The following SLC35D2 variants were observed in gnomAD, a reference collection of about 807,000 sequenced individuals.
SLC35D2 encodes the protein solute carrier family 35 member D2, also known as nucleotide sugar transporter SLC35D2.
SLC35D2 carries 43 observed loss-of-function variants against 41.8 expected under a neutral mutation model. The observed-to-expected ratio is 1.03, with a 90% CI of 0.81 to 1.33. The LOEUF (loss-of-function observed/expected upper bound fraction) is 1.33, where lower values mean the gene tolerates loss of function less well. Ranked by LOEUF, SLC35D2 falls within the 40% of genes most tolerant of loss-of-function variation. SLC35D2 has a pLI of 0.00. For missense variants in SLC35D2, 380 were observed against 408.4 expected (o/e 0.93, Z 0.60); for synonymous variants, 150 against 163.9 (o/e 0.92, Z 0.65).
In SLC35D2 at chr9:96,336,804, A is replaced by G; in HGVS notation, c.685-20T>C. On this transcript the variant is annotated intron_variant, in intron 8 of 11. Coordinates refer to ENST00000253270, the MANE Select transcript of SLC35D2 (RefSeq NM_007001.3). The stretch of plus-strand genomic sequence containing the variant: ...AGTAGCCTATTATTAAAAAGAAAAA[A>G]ACTAATGATTAGGTTAATAATACTG... 1 of 1,403,466 alleles carries G rather than the reference A, an allele frequency of 7.1e-7. No homozygotes were observed. The highest frequency in any genetic ancestry group is 9.9e-7 in the Non-Finnish European group (1 of 1,009,062). 86.9% of individuals were successfully genotyped at this position (1,403,466 alleles called of 1,614,324 possible).
chr9:96,348,323 A>C (rs886975203), intron 6 of SLC35D2, among the ~76,000 whole-genome samples: 17 of 152,052 alleles, frequency 1.1e-4, no homozygotes, highest in African/African-American at 4.1e-4. Flanking sequence ...ATAATTCCCC[A>C]CCTTCCCTTT....
chr9:96,353,753 C>A (rs1829908468), intron 4 of SLC35D2, among the ~76,000 whole-genome samples: 2 of 152,178 alleles, frequency 1.3e-5, no homozygotes, highest in South Asian at 2.1e-4. Flanking sequence ...AGTTAAGAAC[C>A]TTCTACCCAC....
At chr9:96,316,587 G>C (rs901802542), downstream of SLC35D2, among the ~76,000 whole-genome samples, 4 of 152,108 alleles carry the variant, frequency 2.6e-5, no homozygotes, top group East Asian at 7.7e-4. Flanking sequence ...CTGATTCAGT[G>C]AATGTTCCCT....
intron 11 of SLC35D2, among the ~76,000 whole-genome samples, chr9:96,315,685 G>A (rs111799723): frequency 1.3e-3 from 202 of 152,124 alleles, no homozygotes; most frequent in African/African-American, 4.7e-3. Flanking sequence ...CACCCGCCTC[G>A]GCCTCCCAAA....
chr9:96,368,215 TG>T, intron 2 of SLC35D2, 56 bp downstream of exon 2: 1 of 1,400,840 alleles, frequency 7.1e-7, no homozygotes, highest in Non-Finnish European at 9.9e-7. Flanking sequence ...GGACTTAAAA[TG>T]TCATTATGAA....
chr9:96,346,071 T>A (rs566876558), intron 6 of SLC35D2, among the ~76,000 whole-genome samples: 1 of 152,328 alleles, frequency 6.6e-6, no homozygotes, highest in South Asian at 2.1e-4. Flanking sequence ...ACTTGATCGT[T>A]GCAGACAGTG....
chr9:96,348,063 C>T (rs995323750), intron 6 of SLC35D2, among the ~76,000 whole-genome samples: 12 of 152,130 alleles, frequency 7.9e-5, no homozygotes, highest in Non-Finnish European at 1.6e-4. Flanking sequence ...TCTTTTATTC[C>T]TTTACTTTCT....
chr9:96,373,023 C>T (rs1830777742), intron 1 of SLC35D2, among the ~76,000 whole-genome samples: 1 of 151,562 alleles, frequency 6.6e-6, no homozygotes, highest in East Asian at 1.9e-4. Flanking sequence ...CCTCAGCCTT[C>T]CGAATGTCTG....
At position 96,366,771 on chromosome 9, in the gene SLC35D2, C is replaced by T. The variant is rs557485215; in HGVS notation, c.192+1501G>A. On this transcript the variant is annotated intron_variant, in intron 2 of 11. Coordinates refer to ENST00000253270, the MANE Select transcript of SLC35D2 (RefSeq NM_007001.3). ...GATTATAGGCATGAGCCACCGTGCTCGGCCTGATCTTTTTTTTTTTAACGT... is the reference window on the plus strand; with the variant it reads ...GATTATAGGCATGAGCCACCGTGCTTGGCCTGATCTTTTTTTTTTTAACGT... Among the ~76,000 whole-genome samples the T allele has an allele frequency of 1.9e-4, 29 of 150,360 alleles. 1 individual carries two copies. The South Asian group carries it at 4.9e-3, about 25-fold the overall frequency.
intron 4 of SLC35D2, among the ~76,000 whole-genome samples, chr9:96,354,629 G>T (rs549772464): frequency 6.6e-6 from 1 of 151,796 alleles, no homozygotes. Flanking sequence ...TTAGCTGGAC[G>T]TAGTGGTGCG....
At chr9:96,355,122 G>A (rs926675835) in intron 4 of SLC35D2, among the ~76,000 whole-genome samples, 5 of 150,976 alleles carry the variant, frequency 3.3e-5, no homozygotes, top group African/African-American at 1.2e-4. Context: ...TGGCTCAAGC[G>A]ATTCTTGTGC....
At chr9:96,331,707 C>A (rs1368859541) in intron 9 of SLC35D2, among the ~76,000 whole-genome samples, 1 of 152,148 alleles carries the variant, frequency 6.6e-6, no homozygotes, top group Non-Finnish European at 1.5e-5. Context: ...CAGGAGTCCC[C>A]AAGCCCCAGG....
chr9:96,382,943 T>C (rs745893594), intron 1 of SLC35D2, among the ~76,000 whole-genome samples: 10 of 152,160 alleles, frequency 6.6e-5, no homozygotes, highest in Non-Finnish European at 1.5e-4. Flanking sequence ...TAAGCAGGAT[T>C]TTCTAGTCCT....
rs992114031 is a variant in SLC35D2 at position 96,340,638 on chromosome 9, A to C, written c.684+3266T>G. ...CCATCTCAAAAAAAAAAAAAAAAAA[A>C]AAAAAAAAAAAACTAGTCAAATTTT... On this transcript the variant is annotated intron_variant, in intron 8 of 11. Transcript: ENST00000253270. Among the ~76,000 whole-genome samples, 203 of 150,332 alleles carry C rather than the reference A, an allele frequency of 1.4e-3. 2 individuals carry two copies. The highest frequency in any genetic ancestry group is 4.4e-3 in the African/African-American group (181 of 41,088).
chr9:96,344,508 T>C (rs1282399262), intron 7 of SLC35D2, among the ~76,000 whole-genome samples: 4 of 25,068 alleles, frequency 1.6e-4, no homozygotes, highest in African/African-American at 5.0e-4. Context: ...ACTTCTACCG[T>C]TAAAAAAAAA....
At chr9:96,370,431 C>T (rs1291206343) in intron 1 of SLC35D2, among the ~76,000 whole-genome samples, 1 of 152,126 alleles carries the variant, frequency 6.6e-6, no homozygotes, top group Non-Finnish European at 1.5e-5. Context: ...CCAAGGTGAG[C>T]AGATCACCTG....
intron 4 of SLC35D2, among the ~76,000 whole-genome samples, chr9:96,353,101 ACC>A: frequency 6.6e-6 from 1 of 152,118 alleles, no homozygotes; most frequent in East Asian, 1.9e-4. Context: ...AGAAAAAAAA[ACC>A]ACATGCATAA....
At chr9:96,325,230 G>A (rs150409690) in intron 9 of SLC35D2, among the ~76,000 whole-genome samples, 13 of 152,268 alleles carry the variant, frequency 8.5e-5, no homozygotes, top group African/African-American at 3.1e-4. Context: ...GTAAAGAAGC[G>A]AGCTAATTCC....
At chr9:96,363,456 C>G (rs1415572305) in intron 3 of SLC35D2, among the ~76,000 whole-genome samples, 1 of 152,182 alleles carries the variant, frequency 6.6e-6, no homozygotes, top group East Asian at 1.9e-4. Context: ...CTGATTTAAA[C>G]CTAAATGCTG....
Sources: gnomAD v4.1 joint callset for allele counts (sites outside exome capture counted in the v4.1 genomes callset) on GRCh38, gnomAD v4.1.1 for gene constraint, MANE v1.5 for transcripts, NCBI Gene and HGNC (gene_info 2026-07-23, HGNC 2026-07-21) for gene names.